The following NTN1 variants were observed in gnomAD, a reference collection of about 807,000 sequenced individuals.
The protein encoded by NTN1 is netrin 1, also known as netrin-1.
Under a neutral mutation model 54.2 loss-of-function variants are expected in NTN1, and 11 were observed. The observed-to-expected ratio is 0.20, with a 90% CI of 0.13 to 0.34. The LOEUF is 0.34. Among genes scored for constraint, NTN1 ranks in the 10% least tolerant of loss-of-function variants. NTN1 has a pLI of 1.00. For synonymous variants in NTN1, 371 were observed against 382.0 expected (o/e 0.97, Z 0.33); for missense variants, 740 against 893.1 (o/e 0.83, Z 2.18).
At chr17:9,012,686 T>TC in the NTN1 span, among the ~76,000 whole-genome samples, 2 of 152,250 alleles carry the variant, frequency 1.3e-5, no homozygotes, top group African/African-American at 4.8e-5. Context: ...AGGGAGTCCT[T>TC]CCCCAAGTAC....
chr17:9,028,132 AAAG>A (rs750876580), intron 2 of NTN1, among the ~76,000 whole-genome samples: 10 of 152,196 alleles, frequency 6.6e-5, no homozygotes, highest in Admixed American at 1.3e-4. Context: ...CTCCAAAAAA[AAAG>A]AAGGCCTTCT....
At chr17:9,173,920 C>G (rs1163971010) in intron 3 of NTN1, 3 of 152,424 alleles carry the variant, frequency 2.0e-5, no homozygotes, top group African/African-American at 7.2e-5. Flanking sequence ...ATGCCTTCAG[C>G]ACTTGCTGTG....
chr17:9,114,427 T>C lies in NTN1; in HGVS notation c.1019-48386T>C, dbSNP rs144175807. 2.0e-3 allele frequency among the ~76,000 whole-genome samples: 293 copies of C among 149,408 alleles called. 3 individuals are homozygous for C. Among genetic ancestry groups the C allele is most frequent in the African/African-American group, 6.7e-3 (272 of 40,758 alleles). ...TGTTTGAATTTTTTGCAAAAAAATATATTGATGTTTTACTTGAGTTAAAAA... is the reference window on the plus strand; with the variant it reads ...TGTTTGAATTTTTTGCAAAAAAATACATTGATGTTTTACTTGAGTTAAAAA... On this transcript the variant is annotated intron_variant, in intron 2 of 6. Transcript: ENST00000173229.
the NTN1 span, among the ~76,000 whole-genome samples, chr17:9,008,445 C>G: frequency 3.3e-5 from 5 of 152,116 alleles, no homozygotes; most frequent in African/African-American, 1.2e-4. Context: ...CAGCCTCCCC[C>G]AGTAGCTGGG....
chr17:9,221,132 A>G lies in NTN1; in HGVS notation c.1412-36A>G. On this transcript the variant is annotated intron_variant, in intron 5 of 6. Transcript: ENST00000173229. The surrounding 1 kb of genome is among the most constrained non-coding windows in gnomAD (Gnocchi z 4.5). The stretch of plus-strand genomic sequence containing the variant: ...CAGCCTATTCATCGCCAGCCTAATT[A>G]GTTTTTGTCTGTGCTCCCCCCCCAC... 7.1e-7 allele frequency: 1 copy of G among 1,408,046 alleles called. No individual in the cohort carries two copies. The highest frequency in any genetic ancestry group is 1.0e-6 in the Non-Finnish European group (1 of 996,098). 87.2% of individuals were successfully genotyped at this position (1,408,046 alleles called of 1,614,324 possible).
At chr17:9,228,771 A>T (rs542078713) in intron 6 of NTN1, among the ~76,000 whole-genome samples, 1 of 151,616 alleles carries the variant, frequency 6.6e-6, no homozygotes, top group East Asian at 1.9e-4. Flanking sequence ...GATACAACTC[A>T]AGGAGGATGT....
chr17:9,178,248 C>G (rs1306269659), intron 3 of NTN1, among the ~76,000 whole-genome samples: 1 of 152,188 alleles, frequency 6.6e-6, no homozygotes, highest in African/African-American at 2.4e-5. Context: ...GAAGCAGCAG[C>G]AAGACTGGAG....
At chr17:9,182,664 T>A (rs2092421920) in intron 4 of NTN1, among the ~76,000 whole-genome samples, 1 of 152,196 alleles carries the variant, frequency 6.6e-6, no homozygotes, top group Non-Finnish European at 1.5e-5. Flanking sequence ...GGCTCTGTGT[T>A]GCCGCCTCAC....
intron 2 of NTN1, among the ~76,000 whole-genome samples, chr17:9,061,232 CT>C (rs766869656): frequency 3.6e-4 from 55 of 152,146 alleles, no homozygotes; most frequent in Non-Finnish European, 6.0e-4. Context: ...CTTTCTAGAA[CT>C]TGAGTGTCAG....
At chr17:9,016,887 T>C (rs1043724135), upstream of NTN1, among the ~76,000 whole-genome samples, 1 of 152,204 alleles carries the variant, frequency 6.6e-6, no homozygotes, top group Non-Finnish European at 1.5e-5. Flanking sequence ...CTGGCTGCCA[T>C]TCTTTCTCAT....
intron 2 of NTN1, among the ~76,000 whole-genome samples, chr17:9,067,996 C>T (rs1198206162): frequency 6.6e-6 from 1 of 152,154 alleles, no homozygotes; most frequent in Non-Finnish European, 1.5e-5. Flanking sequence ...ATTGCTTGAG[C>T]TGAGGAGTTT....
chr17:9,122,379 A>G (rs539044995), intron 2 of NTN1, among the ~76,000 whole-genome samples: 1 of 152,336 alleles, frequency 6.6e-6, no homozygotes, highest in Admixed American at 6.5e-5. Context: ...CCTAAACTCT[A>G]GAATCCTCTA....
chr17:9,156,386 C>A (rs996525632), intron 2 of NTN1, among the ~76,000 whole-genome samples: 1 of 152,142 alleles, frequency 6.6e-6, no homozygotes, highest in Non-Finnish European at 1.5e-5. Flanking sequence ...ACTAGAGCCT[C>A]TGAGGAGACC....
intron 4 of NTN1, 26 bp downstream of exon 4, chr17:9,179,982 A>T (rs757785174): frequency 1.6e-5 from 26 of 1,600,744 alleles, no homozygotes; most frequent in Non-Finnish European, 2.2e-5. Context: ...CCTGCTTTTC[A>T]AGTCTCTGGC....
the NTN1 span, among the ~76,000 whole-genome samples, chr17:9,007,121 TC>T: frequency 2.0e-5 from 3 of 152,154 alleles, no homozygotes; most frequent in African/African-American, 4.8e-5. Flanking sequence ...TTCTTTTTTC[TC>T]TCTCTTTCTT....
intron 2 of NTN1, among the ~76,000 whole-genome samples, chr17:9,142,274 A>T (rs2092300243): frequency 6.6e-6 from 1 of 151,688 alleles, no homozygotes; most frequent in African/African-American, 2.4e-5. Context: ...GGACAATAGA[A>T]TAAGATTTCA....
chr17:9,194,209 C>T (rs1904560997), intron 5 of NTN1, among the ~76,000 whole-genome samples: 1 of 151,620 alleles, frequency 6.6e-6, no homozygotes, highest in Admixed American at 6.6e-5. Context: ...GCACTCCAGC[C>T]TGGGCAATAG....
intron 2 of NTN1, among the ~76,000 whole-genome samples, chr17:9,079,123 G>C (rs1330462081): frequency 1.3e-5 from 2 of 152,224 alleles, no homozygotes; most frequent in Non-Finnish European, 1.5e-5. Flanking sequence ...AAGCTTGATA[G>C]TACAGGGCCC....
At chr17:9,103,502 C>T (rs1159859676) in intron 2 of NTN1, among the ~76,000 whole-genome samples, 1 of 151,962 alleles carries the variant, frequency 6.6e-6, no homozygotes, top group African/African-American at 2.4e-5. Flanking sequence ...CTTTTCTCTC[C>T]CTTCAGTCTA....
Sources: allele counts gnomAD v4.1 joint callset (sites outside exome capture counted in the v4.1 genomes callset), GRCh38; gene constraint gnomAD v4.1.1; non-coding constraint Gnocchi (gnomAD v3.1); transcripts MANE v1.5; gene names NCBI Gene and HGNC (gene_info 2026-07-23, HGNC 2026-07-21).